The following SMARCC1 variants were observed in gnomAD, a reference collection of about 807,000 sequenced individuals.
SMARCC1 encodes SWI/SNF complex subunit SMARCC1.
A neutral mutation model predicts 147.4 loss-of-function variants in SMARCC1; 43 were observed. The observed-to-expected ratio is 0.29, with a 90% CI of 0.23 to 0.38. The LOEUF is 0.38. SMARCC1 is among the 10% of genes least tolerant of loss of function. The pLI, the probability that SMARCC1 is intolerant of heterozygous loss-of-function variation, is 1.00. For synonymous variants in SMARCC1, 495 were observed against 484.4 expected (o/e 1.02, Z -0.29); for missense variants, 1,119 against 1,381.1 (o/e 0.81, Z 3.01).
intron 8 of SMARCC1, among the ~76,000 whole-genome samples, chr3:47,712,315 G>C (rs1055893688): frequency 6.6e-6 from 1 of 151,960 alleles, no homozygotes; most frequent in Non-Finnish European, 1.5e-5. Context: ...AAAAAAATAG[G>C]ACTGTGCTAA....
chr3:47,688,382 G>A (rs2033754380), intron 13 of SMARCC1, among the ~76,000 whole-genome samples: 2 of 151,210 alleles, frequency 1.3e-5, no homozygotes, highest in East Asian at 1.9e-4. Context: ...ATACTTTTCC[G>A]GAAATCCTGT....
intron 5 of SMARCC1, among the ~76,000 whole-genome samples, chr3:47,735,717 A>T (rs1272422186): frequency 6.6e-6 from 1 of 152,036 alleles, no homozygotes; most frequent in Non-Finnish European, 1.5e-5. Context: ...TTGCACCCCT[A>T]CACTCTAGCC....
chr3:47,603,006 T>C (rs1043486866), intron 26 of SMARCC1, among the ~76,000 whole-genome samples: 2 of 152,188 alleles, frequency 1.3e-5, no homozygotes, highest in East Asian at 1.9e-4. Flanking sequence ...TCCATGCCTA[T>C]GGAGAGCAGA....
At chr3:47,762,274 ACTCCAACTGTAAG>A (rs2034782086) in intron 2 of SMARCC1, among the ~76,000 whole-genome samples, 1 of 152,122 alleles carries the variant, frequency 6.6e-6, no homozygotes, top group Non-Finnish European at 1.5e-5. Flanking sequence ...ATCAAGTCCA[ACTCCAACTGTAAG>A]CCCCTTCTTA....
At chr3:47,690,773 C>T (rs1409131206) in intron 12 of SMARCC1, among the ~76,000 whole-genome samples, 1 of 152,174 alleles carries the variant, frequency 6.6e-6, no homozygotes, top group African/African-American at 2.4e-5. Context: ...GAGATGGACA[C>T]GGTGGCTTAA....
chr3:47,765,321 G>A (rs1389658076), intron 2 of SMARCC1, among the ~76,000 whole-genome samples: 1 of 151,746 alleles, frequency 6.6e-6, no homozygotes, highest in African/African-American at 2.4e-5. Context: ...AGGAGTTTAT[G>A]GTTGGGGAAG....
At chr3:47,679,159 C>T (rs2033608878) in intron 15 of SMARCC1, among the ~76,000 whole-genome samples, 1 of 149,760 alleles carries the variant, frequency 6.7e-6, no homozygotes, top group Non-Finnish European at 1.5e-5. Context: ...AAAATGCAGG[C>T]AGCCAAGATC....
intron 26 of SMARCC1, among the ~76,000 whole-genome samples, chr3:47,597,108 G>A (rs1468217232): frequency 4.0e-5 from 6 of 148,284 alleles, no homozygotes; most frequent in African/African-American, 1.2e-4. Flanking sequence ...CTGAGACTGC[G>A]TCACTGCACT....
At chr3:47,731,799 G>T (rs1203454056) in intron 5 of SMARCC1, among the ~76,000 whole-genome samples, 1 of 152,186 alleles carries the variant, frequency 6.6e-6, no homozygotes, top group African/African-American at 2.4e-5. Context: ...ACTGTAAATA[G>T]ATGTGCTGTC....
intron 21 of SMARCC1, among the ~76,000 whole-genome samples, chr3:47,643,368 A>G (rs1311984629): frequency 6.6e-6 from 1 of 152,342 alleles, no homozygotes; most frequent in Admixed American, 6.5e-5. Flanking sequence ...TAACACAGAA[A>G]CCACTGGATA....
rs1034228564 is a variant in SMARCC1 at position 47,595,752 on chromosome 3, G to C, written c.3044-4915C>G. Among the ~76,000 whole-genome samples, 29 of 87,616 alleles carry C rather than the reference G, an allele frequency of 3.3e-4. No individual in the cohort carries two copies. The South Asian group carries it at 9.6e-3, about 29-fold the overall frequency. The allele number at this position is 87,616 out of a possible 152,430, so 57.5% of individuals were successfully genotyped here. A position where few individuals can be genotyped will look rare whatever the true frequency, so the allele number is the denominator to read the frequency against. The stretch of plus-strand genomic sequence containing the variant: ...TTTCTTTTTCTTTTTCTTTTTTTTT[G>C]AGACGGGAGTCTCACTCTGTTGCCC... On this transcript the variant is annotated intron_variant, in intron 26 of 27. Transcript: ENST00000254480.
In SMARCC1 at chr3:47,714,487, A is replaced by G; in HGVS notation, c.720T>C (p.Tyr240=). 1 of 1,527,574 alleles carries G rather than the reference A, an allele frequency of 6.5e-7. No individual in the cohort carries two copies. Among genetic ancestry groups the G allele is most frequent in the Non-Finnish European group, 9.0e-7 (1 of 1,108,640 alleles). The allele number at this position is 1,527,574 out of a possible 1,614,324, so 94.6% of individuals were successfully genotyped here. A position where few individuals can be genotyped will look rare whatever the true frequency, so the allele number is the denominator to read the frequency against. ...LVHWGFYPDS[Y]DTWVHSNDVD... ...CATCATTACTATGGACCCAAGTATC[A>G]TAGCTATAAAGGAATCAAAATGAGA... Residue 240 remains tyrosine (Y), a synonymous_variant, in exon 8 of 28, where the codon TAT becomes TAC. Coordinates refer to ENST00000254480, the MANE Select transcript of SMARCC1 (RefSeq NM_003074.4).
chr3:47,591,924 A>C (rs1374354463), intron 26 of SMARCC1, among the ~76,000 whole-genome samples: 1 of 152,250 alleles, frequency 6.6e-6, no homozygotes, highest in Non-Finnish European at 1.5e-5. Flanking sequence ...TAACAGAATC[A>C]TTTGAGAGAT....
chr3:47,684,355 C>A (rs1267790386), intron 14 of SMARCC1, among the ~76,000 whole-genome samples: 1 of 151,278 alleles, frequency 6.6e-6, no homozygotes. Context: ...TTTTCTTAAA[C>A]ATTTTTACAT....
chr3:47,649,057 C>T (rs1408944661), intron 21 of SMARCC1, among the ~76,000 whole-genome samples: 1 of 152,132 alleles, frequency 6.6e-6, no homozygotes, highest in East Asian at 1.9e-4. Flanking sequence ...AATTAAATGT[C>T]CAATTATGAG....
Position 47,736,133 on chromosome 3 carries a change from A to G in SMARCC1, c.484-7T>C, listed in dbSNP as rs1386877774. 6.6e-7 allele frequency: 1 copy of G among 1,506,086 alleles called. No individual in the cohort carries two copies. Among genetic ancestry groups the G allele is most frequent in the Non-Finnish European group, 9.1e-7 (1 of 1,095,288 alleles). The allele number at this position is 1,506,086 out of a possible 1,614,324, so 93.3% of individuals were successfully genotyped here. A position where few individuals can be genotyped will look rare whatever the true frequency, so the allele number is the denominator to read the frequency against. Reference sequence around the variant, plus strand: ...GTCTGGTCAAACAATTGTTCTGAGGATGAAAAGAACAGACTTTCAAATTCT... The same window carrying G: ...GTCTGGTCAAACAATTGTTCTGAGGGTGAAAAGAACAGACTTTCAAATTCT... On this transcript the variant is annotated splice_region_variant and splice_polypyrimidine_tract_variant and intron_variant, in intron 4 of 27. Coordinates refer to ENST00000254480, the MANE Select transcript of SMARCC1 (RefSeq NM_003074.4).
chr3:47,749,670 A>ACCACACACACACACACACACACACAC, intron 2 of SMARCC1, among the ~76,000 whole-genome samples: 1 of 92,496 alleles, frequency 1.1e-5, no homozygotes, highest in South Asian at 4.4e-4. Flanking sequence ...CTCTAAATTA[A>ACCACACACACACACACACACACACAC]ACACACACAC....
At chr3:47,717,304 G>A (rs958755068) in intron 7 of SMARCC1, among the ~76,000 whole-genome samples, 42 of 152,196 alleles carry the variant, frequency 2.8e-4, no homozygotes, top group Admixed American at 9.8e-4. Context: ...ACAGTAATCC[G>A]TTCAAATAAA....
At chr3:47,590,993 T>C (rs2032172366) in intron 26 of SMARCC1, among the ~76,000 whole-genome samples, 156 bp from the exon 27 acceptor site, 1 of 152,210 alleles carries the variant, frequency 6.6e-6, no homozygotes, top group South Asian at 2.1e-4. Context: ...TGTTTAGCTT[T>C]TTGTATTCTG....
Sources: allele counts gnomAD v4.1 joint callset (sites outside exome capture counted in the v4.1 genomes callset), GRCh38; gene constraint gnomAD v4.1.1; transcripts MANE v1.5; gene names NCBI Gene and HGNC (gene_info 2026-07-23, HGNC 2026-07-21).